The following EML6 variants were observed in gnomAD, a reference collection of about 807,000 sequenced individuals.
The protein encoded by EML6 is echinoderm microtubule-associated protein-like 6.
In EML6, 154 loss-of-function variants were observed where a neutral mutation model predicts 240.1. That is an observed-to-expected ratio of 0.64 (90% CI 0.56 to 0.73). The LOEUF (loss-of-function observed/expected upper bound fraction) is 0.73. Ranked by LOEUF, EML6 falls within the 30% of genes least tolerant of loss-of-function variation. EML6 has a pLI of 0.00. For synonymous variants in EML6, 1,148 were observed against 899.0 expected (o/e 1.28, Z -4.95); for missense variants, 2,964 against 2,474.6 (o/e 1.20, Z -4.20).
chr2:54,892,377 C>T, intron 18 of EML6, 77 bp from the exon 19 acceptor site: 1 of 920,642 alleles, frequency 1.1e-6, no homozygotes, highest in East Asian at 2.6e-5. Flanking sequence ...CCAGGTTTCT[C>T]ATGGAAGTAG....
intron 29 of EML6, among the ~76,000 whole-genome samples, chr2:54,949,337 G>A (rs1423506196): frequency 2.0e-5 from 3 of 152,174 alleles, no homozygotes; most frequent in Non-Finnish European, 4.4e-5. Flanking sequence ...TGTTGCCTGA[G>A]CCCCGACTGT....
intron 28 of EML6, among the ~76,000 whole-genome samples, chr2:54,946,626 C>T (rs1675707280): frequency 6.6e-6 from 1 of 152,164 alleles, no homozygotes; most frequent in Non-Finnish European, 1.5e-5. Context: ...GCTTTTAATA[C>T]TTGTATTGTG....
In EML6 at chr2:54,725,050, G is replaced by C. The variant is rs1252585441; in HGVS notation, c.-12G>C. 2 of 1,503,650 alleles carry C rather than the reference G, an allele frequency of 1.3e-6. No individual in the cohort carries two copies. Among genetic ancestry groups the C allele is most frequent in the Non-Finnish European group, 1.8e-6 (2 of 1,127,098 alleles). 93.1% of individuals were successfully genotyped at this position (1,503,650 alleles called of 1,614,324 possible). A position where few individuals can be genotyped will look rare whatever the true frequency, so the allele number is the denominator to read the frequency against. ...GCGCGGGGGGGCGGGGGGCGCGCGG[G>C]GTCGGCTTATCATGGCGGATCGGAC... On this transcript the variant is annotated 5_prime_UTR_variant, in exon 2 of 42. Transcript: ENST00000356458. The surrounding 1 kb of genome is among the most constrained non-coding windows in gnomAD (Gnocchi z 4.3).
At chr2:54,901,015 C>A (rs972584890) in intron 22 of EML6, among the ~76,000 whole-genome samples, 1 of 152,026 alleles carries the variant, frequency 6.6e-6, no homozygotes, top group Non-Finnish European at 1.5e-5. Flanking sequence ...GGATTGTATT[C>A]TAGGGTAATA....
chr2:54,765,524 G>A (rs1425352062), intron 2 of EML6, among the ~76,000 whole-genome samples: 2 of 152,076 alleles, frequency 1.3e-5, no homozygotes, highest in Admixed American at 6.6e-5. Context: ...GCAGTGGCAC[G>A]ATCTCGGCTC....
rs555236472 is a variant in EML6 at position 54,971,975 on chromosome 2, A to ACAT, written c.*1883_*1885dup. On this transcript the variant is annotated 3_prime_UTR_variant, in exon 42 of 42. Transcript: ENST00000356458. ...TGAATTTATTTTCAAAGTATAAAAC[A>ACAT]CATCACTTAAACATTTTATGTGTCA... is the stretch of plus-strand genomic sequence containing the variant. 34 of 152,320 alleles carry ACAT rather than the reference A, an allele frequency of 2.2e-4. No homozygotes were observed. Among genetic ancestry groups the ACAT allele is most frequent in the Non-Finnish European group, 4.7e-4 (32 of 68,010 alleles). 9.4% of individuals were successfully genotyped at this position (152,320 alleles called of 1,614,324 possible). A position where few individuals can be genotyped will look rare whatever the true frequency, so the allele number is the denominator to read the frequency against.
At chr2:54,926,324 A>G (rs1674543564) in intron 26 of EML6, among the ~76,000 whole-genome samples, 1 of 151,620 alleles carries the variant, frequency 6.6e-6, no homozygotes, top group Non-Finnish European at 1.5e-5. Flanking sequence ...CTGGTCTTGA[A>G]CTCCTGACCT....
chr2:54,959,293 C>A (rs148431774), intron 34 of EML6, 32 bp downstream of exon 34: 2 of 1,482,766 alleles, frequency 1.3e-6, no homozygotes, highest in African/African-American at 1.4e-5. Context: ...AACAACTTGT[C>A]GTTTGTTGTT....
At chr2:54,740,817 TTGAC>T (rs1212649388) in intron 2 of EML6, among the ~76,000 whole-genome samples, 2 of 152,168 alleles carry the variant, frequency 1.3e-5, no homozygotes, top group African/African-American at 2.4e-5. Flanking sequence ...CACATTCACT[TTGAC>T]TGGCCCTGTT....
intron 2 of EML6, among the ~76,000 whole-genome samples, chr2:54,807,938 T>C (rs1305034594): frequency 6.6e-6 from 1 of 152,198 alleles, no homozygotes; most frequent in African/African-American, 2.4e-5. Context: ...CCAGTAAGTA[T>C]AGCATACAGT....
At position 54,869,194 on chromosome 2, in the gene EML6, G is replaced by C; in HGVS notation, c.2065G>C (p.Asp689His). 1.3e-6 allele frequency: 2 copies of C among 1,550,686 alleles called. No individual in the cohort carries two copies. The highest frequency in any genetic ancestry group is 1.7e-6 in the Non-Finnish European group (2 of 1,146,308). Residue 689 changes from aspartate to histidine, a missense_variant, in exon 15 of 42, where the codon GAC becomes CAC. Coordinates refer to ENST00000356458, the MANE Select transcript of EML6 (RefSeq NM_001039753.4). ...CCTGTGCTTCAGTTATAGAGGCTAC[G>C]ACTGTAGAAACAATCTGTTCTACAC... ...LQFIHGYRGYDCRNNLFYTQA... is the reference protein window; with the variant it reads ...LQFIHGYRGYHCRNNLFYTQA...
intron 2 of EML6, among the ~76,000 whole-genome samples, chr2:54,790,207 T>C (rs1467989207): frequency 6.6e-6 from 1 of 152,222 alleles, no homozygotes; most frequent in African/African-American, 2.4e-5. Flanking sequence ...ATGAGCCAAT[T>C]GAAAAGCAAA....
intron 16 of EML6, among the ~76,000 whole-genome samples, chr2:54,877,703 G>A (rs138520377): frequency 1.3e-4 from 20 of 152,330 alleles, no homozygotes; most frequent in African/African-American, 4.1e-4. Flanking sequence ...TTTGAAAGAC[G>A]TAGTTTATAA....
intron 26 of EML6, among the ~76,000 whole-genome samples, chr2:54,924,951 G>C (rs1163695120): frequency 2.0e-5 from 3 of 151,980 alleles, no homozygotes; most frequent in African/African-American, 7.3e-5. Context: ...CAGCTGTATA[G>C]TCACACTTGT....
intron 2 of EML6, among the ~76,000 whole-genome samples, chr2:54,772,047 G>T (rs1249787586): frequency 6.6e-6 from 1 of 152,190 alleles, no homozygotes; most frequent in Non-Finnish European, 1.5e-5. Flanking sequence ...GCTTTATGCT[G>T]CAGGAACACA....
At chr2:54,739,539 G>A (rs1048476273) in intron 2 of EML6, among the ~76,000 whole-genome samples, 1 of 152,218 alleles carries the variant, frequency 6.6e-6, no homozygotes, top group African/African-American at 2.4e-5. Context: ...GATTTCTTGA[G>A]TGCCTCCTGT....
intron 7 of EML6, among the ~76,000 whole-genome samples, chr2:54,833,320 T>C (rs1343625789): frequency 6.6e-6 from 1 of 152,224 alleles, no homozygotes; most frequent in Non-Finnish European, 1.5e-5. Context: ...ATGGAAATCT[T>C]TGCAAGATTG....
chr2:54,891,589 G>A (rs974546177), intron 18 of EML6, among the ~76,000 whole-genome samples: 3 of 152,134 alleles, frequency 2.0e-5, no homozygotes, highest in African/African-American at 7.2e-5. Flanking sequence ...AATATTGGTG[G>A]ATTTAATGTT....
At chr2:54,788,263 C>A (rs546641198) in intron 2 of EML6, among the ~76,000 whole-genome samples, 1 of 152,192 alleles carries the variant, frequency 6.6e-6, no homozygotes, top group African/African-American at 2.4e-5. Flanking sequence ...GGGCTGCCCT[C>A]TTCTCTCTGG....
Sources: allele counts gnomAD v4.1 joint callset (sites outside exome capture counted in the v4.1 genomes callset), GRCh38; gene constraint gnomAD v4.1.1; non-coding constraint Gnocchi (gnomAD v3.1); transcripts MANE v1.5; gene names NCBI Gene and HGNC (gene_info 2026-07-23, HGNC 2026-07-21).